KPNB1: variants seen among roughly 807,000 people sequenced by gnomAD.
KPNB1 encodes the protein importin subunit beta-1.
A neutral mutation model predicts 113.0 loss-of-function variants in KPNB1; 7 were observed. The observed-to-expected ratio is 0.06, with a 90% CI of 0.04 to 0.12. The LOEUF (loss-of-function observed/expected upper bound fraction) is 0.12. Among genes scored for constraint, KPNB1 ranks in the 10% least tolerant of loss-of-function variants. The probability of loss-of-function intolerance (pLI) is 1.00; values close to 1 mark genes in which losing one functional copy is unlikely to be tolerated. For missense variants in KPNB1, 400 were observed against 1,054.8 expected (o/e 0.38, Z 8.60); for synonymous variants, 363 against 378.6 (o/e 0.96, Z 0.48).
chr17:47,672,116 G>A (rs1023209058), intron 12 of KPNB1, among the ~76,000 whole-genome samples: 4 of 150,366 alleles, frequency 2.7e-5, no homozygotes, highest in African/African-American at 4.9e-5. Context: ...AGTGATTCTC[G>A]TACTTCAGCC....
At chr17:47,681,408 C>T (rs1044307490) in intron 21 of KPNB1, among the ~76,000 whole-genome samples, 3 of 151,904 alleles carry the variant, frequency 2.0e-5, no homozygotes, top group African/African-American at 7.3e-5. Flanking sequence ...GCTAGGATTA[C>T]AGGTGCCCTA....
chr17:47,674,235 A>G lies in KPNB1; in HGVS notation c.1768-403A>G, dbSNP rs570105446. Among the ~76,000 whole-genome samples the G allele has an allele frequency of 8.3e-4, 127 of 152,320 alleles. 3 individuals carry two copies. Among genetic ancestry groups the G allele is most frequent in the Admixed American group, 3.3e-4 (5 of 15,306 alleles). ...ATTTCTAGGTCATCTGTAAATAGGT[A>G]GGATATAGGAAGGGTTGCTTTTTGT... On this transcript the variant is annotated intron_variant, in intron 14 of 21. Transcript: ENST00000290158.
rs757688202 is a variant in KPNB1, at chr17:47,673,515, G to T, written c.1721G>T (p.Arg574Ile). The T allele has an allele frequency of 1.9e-6, 3 of 1,613,784 alleles. No homozygotes were observed. Among genetic ancestry groups the T allele is most frequent in the Non-Finnish European group, 2.5e-6 (3 of 1,179,708 alleles). ...MESHIQSTSD[R>I]IQFNDLQSLL... ...TCACATATCCAGAGCACATCCGATA[G>T]AATCCAGTTCAATGACCTTCAGTCT... The change falls in exon 14 of 22, where the codon AGA (arginine) becomes ATA (isoleucine). Residue 574 changes from arginine to isoleucine, a missense_variant. By Grantham distance (97) the Arg-to-Ile change is moderately conservative. Transcript: ENST00000290158.
intron 13 of KPNB1, 107 bp from the exon 14 acceptor site, chr17:47,673,383 G>A: frequency 1.9e-6 from 2 of 1,027,650 alleles, no homozygotes; most frequent in Non-Finnish European, 1.5e-6. Flanking sequence ...TGGGTTTTTT[G>A]TTGCTGTTGT....
chr17:47,665,049 C>A lies in KPNB1; in HGVS notation c.898-8C>A. On this transcript the variant is annotated splice_polypyrimidine_tract_variant and splice_region_variant and intron_variant, in intron 8 of 21. Coordinates refer to ENST00000290158, the MANE Select transcript of KPNB1 (RefSeq NM_002265.6). Reference sequence around the variant, plus strand: ...CTTTTGTCTAGAATTTGCTTTGTTTCTCCTCAGGCAGCAGAACAAGGACGG... The same window carrying A: ...CTTTTGTCTAGAATTTGCTTTGTTTATCCTCAGGCAGCAGAACAAGGACGG... The A allele has an allele frequency of 6.2e-7, 1 of 1,613,342 alleles. No individual in the cohort carries two copies. The highest frequency in any genetic ancestry group is 8.5e-7 in the Non-Finnish European group (1 of 1,179,320).
Position 47,683,728 on chromosome 17 carries a change from A to C in KPNB1, c.*1324A>C, listed in dbSNP as rs1245931436. ...AAGCAACCAACAAAACAAAAACAAA[A>C]AAAAGTGTGTGTTGTGTGAATACAC... On this transcript the variant is annotated 3_prime_UTR_variant, in exon 22 of 22. Transcript: ENST00000290158. 1 of 630 alleles carries C rather than the reference A, an allele frequency of 1.6e-3. No homozygotes were observed. The highest frequency in any genetic ancestry group is 0.022 in the African/African-American group (1 of 46). The allele number at this position is 630 out of a possible 1,614,324, so 0.0% of individuals were successfully genotyped here. A position where few individuals can be genotyped will look rare whatever the true frequency, so the allele number is the denominator to read the frequency against.
At chr17:47,672,629 C>A (rs2030484274) in intron 12 of KPNB1, among the ~76,000 whole-genome samples, 1 of 152,148 alleles carries the variant, frequency 6.6e-6, no homozygotes, top group Non-Finnish European at 1.5e-5. Flanking sequence ...CTCAAGTGAT[C>A]CGCCTGCCTC....
At chr17:47,667,575 T>C (rs1567891776) in intron 9 of KPNB1, among the ~76,000 whole-genome samples, 1 of 151,706 alleles carries the variant, frequency 6.6e-6, no homozygotes, top group South Asian at 2.1e-4. Flanking sequence ...TTTTTTTTTT[T>C]CTGACAGAGT....
At position 47,665,072 on chromosome 17, in the gene KPNB1, C is replaced by T. The variant is rs747072854; in HGVS notation, c.913C>T (p.Arg305Trp). 3.7e-6 allele frequency: 6 copies of T among 1,613,958 alleles called. No homozygotes were observed. The highest frequency in any genetic ancestry group is 2.7e-5 in the African/African-American group (2 of 74,896). Reference protein sequence around the residue: ...IEASEAAEQGRPPEHTSKFYA... With the variant: ...IEASEAAEQGWPPEHTSKFYA... ...TTCTCCTCAGGCAGCAGAACAAGGA[C>T]GGCCCCCTGAGCACACCAGCAAGTT... Residue 305 changes from arginine (R) to tryptophan (W), a missense_variant, in exon 9 of 22, where the codon CGG (arginine) becomes TGG (tryptophan). Coordinates refer to ENST00000290158, the MANE Select transcript of KPNB1 (RefSeq NM_002265.6).
intron 5 of KPNB1, among the ~76,000 whole-genome samples, chr17:47,659,674 T>A (rs2030030226): frequency 6.6e-6 from 1 of 152,010 alleles, no homozygotes; most frequent in African/African-American, 2.4e-5. Flanking sequence ...GGAAAAAAAA[T>A]AATGAAAAAT....
intron 12 of KPNB1, 94 bp from the exon 13 acceptor site, chr17:47,672,924 G>A (rs1228892994): frequency 3.7e-5 from 44 of 1,184,026 alleles, no homozygotes; most frequent in Middle Eastern, 2.2e-4. Flanking sequence ...CAGACATACC[G>A]GTTCCTGAGT....
At chr17:47,661,029 T>G (rs1597926813) in intron 5 of KPNB1, 90 bp from the exon 6 acceptor site, 4 of 962,940 alleles carry the variant, frequency 4.2e-6, no homozygotes, top group Non-Finnish European at 6.7e-6. Flanking sequence ...TGAGGGGGAG[T>G]GAGAGGTTTT....
chr17:47,652,902 A>C, intron 3 of KPNB1, 26 bp downstream of exon 3: 1 of 1,514,860 alleles, frequency 6.6e-7, no homozygotes, highest in Non-Finnish European at 8.9e-7. Context: ...CTGTTTGGTT[A>C]TATTGCCCAG....
Position 47,683,890 on chromosome 17 carries a change from G to T in KPNB1, c.*1486G>T. ...TTGAATATTTTTTTAGAAGTGTGAT[G>T]TGGTATGATTACCATAAATCAGACT... On this transcript the variant is annotated 3_prime_UTR_variant, in exon 22 of 22. Coordinates refer to ENST00000290158, the MANE Select transcript of KPNB1 (RefSeq NM_002265.6). The T allele has an allele frequency of 6.6e-6, 1 of 152,322 alleles. No homozygotes were observed. Among genetic ancestry groups the T allele is most frequent in the East Asian group, 1.9e-4 (1 of 5,196 alleles). 9.4% of individuals were successfully genotyped at this position (152,322 alleles called of 1,614,324 possible). A position where few individuals can be genotyped will look rare whatever the true frequency, so the allele number is the denominator to read the frequency against.
At chr17:47,650,839 C>G (rs989259847) in intron 2 of KPNB1, among the ~76,000 whole-genome samples, 2 of 152,166 alleles carry the variant, frequency 1.3e-5, no homozygotes, top group Admixed American at 6.5e-5. Context: ...GGCCGCCCGC[C>G]CTGTCTGACC....
chr17:47,654,263 A>C (rs1412596134), intron 3 of KPNB1, among the ~76,000 whole-genome samples: 1 of 152,074 alleles, frequency 6.6e-6, no homozygotes, highest in Non-Finnish European at 1.5e-5. Flanking sequence ...AAAAATACAA[A>C]AATTAGCTGG....
intron 12 of KPNB1, 67 bp downstream of exon 12, chr17:47,670,899 G>T: frequency 7.4e-7 from 1 of 1,354,708 alleles, no homozygotes; most frequent in Non-Finnish European, 1.0e-6. Flanking sequence ...CTGTGTGGAG[G>T]ATATCTAGCT....
chr17:47,652,048 A>G (rs1037283831), intron 2 of KPNB1, among the ~76,000 whole-genome samples: 11 of 152,180 alleles, frequency 7.2e-5, no homozygotes, highest in East Asian at 3.9e-4. Context: ...TTCCTTATAA[A>G]TCTGCTTTTT....
intron 21 of KPNB1, among the ~76,000 whole-genome samples, chr17:47,681,181 T>C (rs1242894409): frequency 1.3e-5 from 2 of 151,642 alleles, no homozygotes; most frequent in African/African-American, 4.8e-5. Flanking sequence ...GCAATTCTCC[T>C]GTCTCAGCCT....
Sources: allele counts gnomAD v4.1 joint callset (sites outside exome capture counted in the v4.1 genomes callset), GRCh38; gene constraint gnomAD v4.1.1; transcripts MANE v1.5; gene names NCBI Gene and HGNC (gene_info 2026-07-23, HGNC 2026-07-21).